Variants in FAM167A observed in about 807,000 individuals in gnomAD.
FAM167A encodes the protein family with sequence similarity 167 member A.
Under a neutral mutation model 14.9 loss-of-function variants are expected in FAM167A, and 23 were observed. The ratio of observed to expected loss-of-function variants is 1.55; its 90% CI spans 1.11 to 2.19. The LOEUF (loss-of-function observed/expected upper bound fraction) is 2.19, where lower values mean the gene tolerates loss of function less well. Ranked by LOEUF, FAM167A falls within the 30% of genes most tolerant of loss-of-function variation. FAM167A has a pLI of 0.00. For missense variants in FAM167A, 401 were observed against 281.5 expected, an observed-to-expected ratio of 1.42 and a Z score of -3.04; for synonymous variants, 174 against 117.7, an observed-to-expected ratio of 1.48 and a Z score of -3.10.
intron 2 of FAM167A, among the ~76,000 whole-genome samples, chr8:11,426,030 T>C (rs1209894984): frequency 6.6e-6 from 1 of 152,182 alleles, no homozygotes; most frequent in Non-Finnish European, 1.5e-5. Flanking sequence ...CCATCTATTT[T>C]CTCTAAAGGC....
rs552154646 is a variant in FAM167A, at chr8:11,444,635, G to A, written c.-224C>T. ...TCCTGGAGGCTCGGGTCTATGATCC[G>A]TCCTGGAAGCCTGTGGGTGCCATGC... On this transcript the variant is annotated 5_prime_UTR_variant, in exon 2 of 3. It adds an upstream start codon to the 5' untranslated region. Coordinates refer to ENST00000284486, the MANE Select transcript of FAM167A (RefSeq NM_053279.3). 3.3e-5 allele frequency: 44 copies of A among 1,334,228 alleles called. No homozygotes were observed. The highest frequency in any genetic ancestry group is 2.8e-4 in the Middle Eastern group (1 of 3,568). 82.6% of individuals were successfully genotyped at this position (1,334,228 alleles called of 1,614,324 possible). A position where few individuals can be genotyped will look rare whatever the true frequency, so the allele number is the denominator to read the frequency against.
chr8:11,431,977 G>A (rs1447860184), intron 2 of FAM167A, among the ~76,000 whole-genome samples: 1 of 151,274 alleles, frequency 6.6e-6, no homozygotes, highest in Non-Finnish European at 1.5e-5. Context: ...AACTCTCAGT[G>A]TGGGTTTCAT....
At chr8:11,472,908 C>A (rs911883712) in intron 1 of FAM167A, among the ~76,000 whole-genome samples, 1 of 152,214 alleles carries the variant, frequency 6.6e-6, no homozygotes, top group African/African-American at 2.4e-5. Flanking sequence ...GGACCAGGAA[C>A]TGTCAATTAG....
intron 2 of FAM167A, among the ~76,000 whole-genome samples, chr8:11,433,204 T>A (rs74685863): frequency 2.0e-5 from 3 of 150,346 alleles, no homozygotes; most frequent in Non-Finnish European, 3.0e-5. Flanking sequence ...TAAAGTATGA[T>A]AAAAAAAAAT....
chr8:11,444,787 G>A lies in FAM167A; in HGVS notation c.-376C>T. 1 of 1,010,874 alleles carries A rather than the reference G, an allele frequency of 9.9e-7. No individual in the cohort carries two copies. Among genetic ancestry groups the A allele is most frequent in the Non-Finnish European group, 1.2e-6 (1 of 846,398 alleles). 62.6% of individuals were successfully genotyped at this position (1,010,874 alleles called of 1,614,324 possible). On this transcript the variant is annotated 5_prime_UTR_variant, in exon 2 of 3. Transcript: ENST00000284486. ...AAGGCCCAGAGCTCTCTCTTCTCGG[G>A]AAGGGCAGGTGGCTGGAGACCCTGT...
At chr8:11,461,915 G>T (rs919336261) in intron 1 of FAM167A, among the ~76,000 whole-genome samples, 1 of 152,222 alleles carries the variant, frequency 6.6e-6, no homozygotes, top group Admixed American at 6.5e-5. Context: ...CGGGCTGGGG[G>T]TCCTGACCTC....
Position 11,444,761 on chromosome 8 carries a change from G to A in FAM167A, c.-350C>T. 3.9e-6 allele frequency: 4 copies of A among 1,033,472 alleles called. No individual in the cohort carries two copies. Among genetic ancestry groups the A allele is most frequent in the Non-Finnish European group, 4.6e-6 (4 of 861,232 alleles). 64.0% of individuals were successfully genotyped at this position (1,033,472 alleles called of 1,614,324 possible). ...CACTCGAAGACCAGACTGGCAGGAA[G>A]AAGGCCCAGAGCTCTCTCTTCTCGG... On this transcript the variant is annotated 5_prime_UTR_variant, in exon 2 of 3. Transcript: ENST00000284486.
upstream of FAM167A, among the ~76,000 whole-genome samples, chr8:11,467,091 A>C (rs1807803590): frequency 6.6e-6 from 1 of 152,184 alleles, no homozygotes; most frequent in Non-Finnish European, 1.5e-5. Context: ...TGGAGGGCGC[A>C]GGGGGACCCC....
chr8:11,428,339 A>C (rs1805328192), intron 2 of FAM167A, among the ~76,000 whole-genome samples: 1 of 152,246 alleles, frequency 6.6e-6, no homozygotes, highest in African/African-American at 2.4e-5. Context: ...GACCCATCAG[A>C]GGCAGCTAGA....
chr8:11,434,566 C>T (rs1004468082), intron 2 of FAM167A, among the ~76,000 whole-genome samples: 7 of 152,174 alleles, frequency 4.6e-5, no homozygotes, highest in Non-Finnish European at 1.0e-4. Context: ...GCCGAGGACT[C>T]CACAGGAAGA....
chr8:11,472,388 G>C (rs982547399), upstream of FAM167A, among the ~76,000 whole-genome samples: 1 of 151,590 alleles, frequency 6.6e-6, no homozygotes, highest in African/African-American at 2.4e-5. Context: ...GAGGCCTCCT[G>C]AACATGCACA....
At chr8:11,463,904 C>T (rs754819251) in intron 1 of FAM167A, among the ~76,000 whole-genome samples, 8 of 152,014 alleles carry the variant, frequency 5.3e-5, no homozygotes, top group Non-Finnish European at 8.8e-5. Flanking sequence ...AGCCACCCCC[C>T]ACTATAGATG....
At chr8:11,436,737 C>A (rs1767485990) in intron 2 of FAM167A, among the ~76,000 whole-genome samples, 1 of 152,196 alleles carries the variant, frequency 6.6e-6, no homozygotes, top group African/African-American at 2.4e-5. Context: ...CTCAGAAGAC[C>A]CCTGGGGCAC....
chr8:11,444,849 C>T, intron 1 of FAM167A, 41 bp from the exon 2 acceptor site: 3 of 991,600 alleles, frequency 3.0e-6, no homozygotes, highest in Non-Finnish European at 3.6e-6. Flanking sequence ...CGATCCCTGC[C>T]CTGCCACTCA....
intron 1 of FAM167A, among the ~76,000 whole-genome samples, chr8:11,464,791 A>G (rs1358443496): frequency 1.3e-5 from 2 of 152,216 alleles, no homozygotes; most frequent in African/African-American, 2.4e-5. Context: ...TAGAGAACAC[A>G]GCAGCCAGGG....
chr8:11,440,431 C>G (rs1169279021), intron 2 of FAM167A, among the ~76,000 whole-genome samples: 1 of 152,230 alleles, frequency 6.6e-6, no homozygotes, highest in African/African-American at 2.4e-5. Flanking sequence ...GAGCTGACCC[C>G]TGAGAGCTGT....
intron 2 of FAM167A, chr8:11,433,852 C>T (rs1005242545): frequency 6.6e-6 from 1 of 152,248 alleles, no homozygotes; most frequent in African/African-American, 2.4e-5. Flanking sequence ...GAATGAGACT[C>T]ACAGTTCTTG....
At chr8:11,443,519 C>T (rs1032101105) in intron 2 of FAM167A, 25 of 162,500 alleles carry the variant, frequency 1.5e-4, no homozygotes, top group Admixed American at 1.3e-3. Flanking sequence ...CATTCCACAC[C>T]GAGCCAGCTC....
intron 1 of FAM167A, among the ~76,000 whole-genome samples, chr8:11,463,922 G>T (rs1308446303): frequency 4.6e-5 from 7 of 152,210 alleles, no homozygotes; most frequent in East Asian, 3.9e-4. Flanking sequence ...ATGACAACTT[G>T]GGGGGAGCTA....
Sources: allele counts gnomAD v4.1 joint callset (sites outside exome capture counted in the v4.1 genomes callset), GRCh38; gene constraint gnomAD v4.1.1; transcripts MANE v1.5; gene names NCBI Gene and HGNC (gene_info 2026-07-23, HGNC 2026-07-21).